Variants in NPEPL1 observed in about 807,000 individuals in gnomAD.
NPEPL1 encodes probable aminopeptidase NPEPL1.
Under a neutral mutation model 52.4 loss-of-function variants are expected in NPEPL1, and 45 were observed. That is an observed-to-expected ratio of 0.86 (90% CI 0.68 to 1.10). NPEPL1 has a LOEUF of 1.10. Ranked by LOEUF, NPEPL1 falls within the 50% of genes least tolerant of loss-of-function variation. NPEPL1 has a pLI of 0.00. For missense variants in NPEPL1, 696 were observed against 710.9 expected (o/e 0.98, Z 0.24); for synonymous variants, 360 against 314.7 (o/e 1.14, Z -1.52).
upstream of NPEPL1, chr20:58,691,701 T>TTTTTTTTTTTTTTC: frequency 1.5e-6 from 1 of 686,446 alleles, no homozygotes; most frequent in Non-Finnish European, 2.3e-6. Context: ...TTCTTTTTTT[T>TTTTTTTTTTTTTTC]TTTTTTTTTT....
chr20:58,693,823 G>A lies in NPEPL1; in HGVS notation c.237G>A (p.Leu79=), dbSNP rs748515272. ...TGAACTACGCCACCGTGGCTGCCCT[G>A]CCCTGCAGGGTGAGCCGGCACAACA... ...LYLNYATVAA[L]PCRVSRHNSP... is the part of the protein sequence containing the mutation. The change falls in exon 2 of 12, where the codon CTG becomes CTA. Residue 79 remains leucine (L), a synonymous_variant. Coordinates refer to ENST00000356091, the MANE Select transcript of NPEPL1 (RefSeq NM_024663.4). 1.2e-6 allele frequency: 2 copies of A among 1,613,624 alleles called. No homozygotes were observed. Among genetic ancestry groups the A allele is most frequent in the African/African-American group, 2.7e-5 (2 of 74,944 alleles).
At position 58,703,707 on chromosome 20, in the gene NPEPL1, A is replaced by G. The variant is rs1486741355; in HGVS notation, c.822+2549A>G. 10 of 984,648 alleles carry G rather than the reference A, an allele frequency of 1.0e-5. No homozygotes were observed. In the South Asian group the frequency reaches 3.8e-4, roughly 37 times the overall value. 61.0% of individuals were successfully genotyped at this position (984,648 alleles called of 1,614,324 possible). A position where few individuals can be genotyped will look rare whatever the true frequency, so the allele number is the denominator to read the frequency against. On this transcript the variant is annotated intron_variant, in intron 6 of 11. Transcript: ENST00000356091. The stretch of plus-strand genomic sequence containing the variant: ...CATGTGGCTGTGGGTAGACCTGTGC[A>G]GTTAGTCAGCTCCCGGCCTGGAAAT...
intron 7 of NPEPL1, among the ~76,000 whole-genome samples, chr20:58,712,128 TATTGAG>T (rs2084860687): frequency 6.6e-6 from 1 of 152,080 alleles, no homozygotes; most frequent in Non-Finnish European, 1.5e-5. Flanking sequence ...TGTGTGTGTG[TATTGAG>T]GGGACGCGGC....
chr20:58,698,543 C>G (rs977251781), intron 3 of NPEPL1, 141 bp from the exon 4 acceptor site: 3 of 731,064 alleles, frequency 4.1e-6, no homozygotes, highest in Non-Finnish European at 7.1e-6. Flanking sequence ...GAGCCATGGT[C>G]CCCCTCTCCC....
At chr20:58,695,253 C>T in intron 3 of NPEPL1, among the ~76,000 whole-genome samples, 1 of 144,976 alleles carries the variant, frequency 6.9e-6, no homozygotes, top group African/African-American at 2.6e-5. Context: ...CTGGTGTGTG[C>T]ATGAGTGGTG....
intron 1 of NPEPL1, 22 bp downstream of exon 1, chr20:58,693,072 ATGCGAC>A (rs2084387492): frequency 2.7e-5 from 27 of 1,006,650 alleles, no homozygotes; most frequent in Non-Finnish European, 3.2e-5. Context: ...GCCGGCCGCC[ATGCGAC>A]CCGCGCCGCG....
Position 58,714,620 on chromosome 20 carries a change from G to T in NPEPL1, c.1363G>T (p.Asp455Tyr). ...GLFIASHIGF[D>Y]WPGVWVHLDI... ...CTTCATCGCCTCACACATCGGCTTC[G>T]ACTGGCCCGGAGTCTGGGTCCACCT... The change falls in exon 11 of 12, where the codon GAC becomes TAC. Residue 455 changes from aspartate (D) to tyrosine (Y), a missense_variant. Coordinates refer to ENST00000356091, the MANE Select transcript of NPEPL1 (RefSeq NM_024663.4). 1 of 1,596,846 alleles carries T rather than the reference G, an allele frequency of 6.3e-7. No individual in the cohort carries two copies. Among genetic ancestry groups the T allele is most frequent in the Non-Finnish European group, 8.5e-7 (1 of 1,173,350 alleles).
chr20:58,697,814 A>C (rs986236848), intron 3 of NPEPL1, among the ~76,000 whole-genome samples: 3 of 152,250 alleles, frequency 2.0e-5, no homozygotes, highest in Admixed American at 6.5e-5. Flanking sequence ...GAGAAGGCAA[A>C]GAATGGCCCA....
intron 6 of NPEPL1, chr20:58,704,072 T>C (rs946714686): frequency 1.0e-6 from 1 of 985,268 alleles, no homozygotes; most frequent in African/African-American, 1.7e-5. Flanking sequence ...GAGCTGTTAC[T>C]GTGTGGAGTG....
intron 7 of NPEPL1, chr20:58,711,139 C>T (rs1473495904): frequency 7.9e-6 from 1 of 127,278 alleles, no homozygotes; most frequent in African/African-American, 3.5e-5. Flanking sequence ...CTCCTCCCCA[C>T]GCCCCAGCAG....
At position 58,694,391 on chromosome 20, in the gene NPEPL1, A is replaced by C. The variant is rs748067795; in HGVS notation, c.337-31A>C. 5 of 1,570,562 alleles carry C rather than the reference A, an allele frequency of 3.2e-6. No individual in the cohort carries two copies. In the African/African-American group the frequency reaches 6.8e-5, roughly 21 times the overall value. On this transcript the variant is annotated intron_variant, in intron 2 of 11. Transcript: ENST00000356091. ...TGCACTCCCTGGTGGCGGCCCTTGC[A>C]CCCCTCACGCCGTCTCCCTATGTGC...
At chr20:58,708,592 G>A (rs929410335) in intron 7 of NPEPL1, among the ~76,000 whole-genome samples, 1 of 151,994 alleles carries the variant, frequency 6.6e-6, no homozygotes, top group Non-Finnish European at 1.5e-5. Context: ...AGGAGCATGT[G>A]TCCTCTGTGC....
upstream of NPEPL1, chr20:58,691,990 C>A: frequency 1.6e-6 from 1 of 634,040 alleles, no homozygotes; most frequent in Non-Finnish European, 2.8e-6. Context: ...CTGCCCCACA[C>A]CCCCGATGGC....
chr20:58,703,174 G>A (rs1453917999), intron 6 of NPEPL1, among the ~76,000 whole-genome samples: 5 of 152,200 alleles, frequency 3.3e-5, no homozygotes, highest in Non-Finnish European at 7.3e-5. Context: ...AGTAGATTTT[G>A]TGTCGGGTCA....
At chr20:58,708,366 G>A (rs2084775414) in intron 7 of NPEPL1, among the ~76,000 whole-genome samples, 1 of 152,238 alleles carries the variant, frequency 6.6e-6, no homozygotes, top group Non-Finnish European at 1.5e-5. Flanking sequence ...AGCCGGTGGG[G>A]ACACGGAGGT....
chr20:58,700,021 G>A (rs1356272246), intron 5 of NPEPL1, among the ~76,000 whole-genome samples: 2 of 152,228 alleles, frequency 1.3e-5, no homozygotes, highest in African/African-American at 2.4e-5. Flanking sequence ...TGGGGCTGGC[G>A]ATGTGCTTCC....
Position 58,693,874 on chromosome 20 carries a change from G to A in NPEPL1, c.288G>A (p.Thr96=). ...HNSPSAAHFI[T]RLVRTCLPPG... is the part of the protein sequence containing the mutation. ...GCCCCTCGGCCGCCCACTTCATCAC[G>A]CGGCTGGTGCGGACCTGCCTGCCGC... Residue 96 remains threonine, a synonymous_variant, in exon 2 of 12, where the codon ACG becomes ACA. Coordinates refer to ENST00000356091, the MANE Select transcript of NPEPL1 (RefSeq NM_024663.4). 7 of 1,613,046 alleles carry A rather than the reference G, an allele frequency of 4.3e-6. No homozygotes were observed. The highest frequency in any genetic ancestry group is 5.9e-6 in the Non-Finnish European group (7 of 1,179,546).
rs548115641 is a variant in NPEPL1 at position 58,702,197 on chromosome 20, A to C, written c.822+1039A>C. Among the ~76,000 whole-genome samples, 397 of 152,386 alleles carry C rather than the reference A, an allele frequency of 2.6e-3. 1 individual carries two copies. Among genetic ancestry groups the C allele is most frequent in the African/African-American group, 9.1e-3 (378 of 41,592 alleles). ...TGAAACCAGGAAGGATTCTCATCAAAGCCTGGATTTCCGGCCTTTTGTGCA... is the reference window on the plus strand; with the variant it reads ...TGAAACCAGGAAGGATTCTCATCAACGCCTGGATTTCCGGCCTTTTGTGCA... On this transcript the variant is annotated intron_variant, in intron 6 of 11. Coordinates refer to ENST00000356091, the MANE Select transcript of NPEPL1 (RefSeq NM_024663.4).
At chr20:58,704,604 C>T (rs1377905481) in intron 6 of NPEPL1, among the ~76,000 whole-genome samples, 2 of 152,274 alleles carry the variant, frequency 1.3e-5, no homozygotes, top group East Asian at 3.9e-4. Context: ...TGTACATTTT[C>T]ACAAATCCTG....
Sources: allele counts gnomAD v4.1 joint callset (sites outside exome capture counted in the v4.1 genomes callset), GRCh38; gene constraint gnomAD v4.1.1; transcripts MANE v1.5; gene names NCBI Gene and HGNC (gene_info 2026-07-23, HGNC 2026-07-21).